Variants in CDC7 observed in about 807,000 individuals in gnomAD.
CDC7 encodes cell division cycle 7, also known as cell division cycle 7-related protein kinase.
CDC7 carries 34 observed loss-of-function variants against 53.5 expected under a neutral mutation model. The observed-to-expected ratio is 0.64, with a 90% CI of 0.48 to 0.85. The LOEUF is 0.85. Ranked by LOEUF, CDC7 falls within the 40% of genes least tolerant of loss-of-function variation. The probability of loss-of-function intolerance (pLI) is 0.00; values close to 1 mark genes in which losing one functional copy is unlikely to be tolerated. For missense variants in CDC7, 594 were observed against 679.7 expected, an observed-to-expected ratio of 0.87 and a Z score of 1.40; for synonymous variants, 211 against 222.8, an observed-to-expected ratio of 0.95 and a Z score of 0.47.
intron 2 of CDC7, among the ~76,000 whole-genome samples, chr1:91,505,603 A>G (rs1233185793): frequency 6.6e-6 from 1 of 152,212 alleles, no homozygotes; most frequent in Non-Finnish European, 1.5e-5. Context: ...TTAGCATATT[A>G]TAGATTTTCG....
chr1:91,515,113 T>C, intron 9 of CDC7, 116 bp downstream of exon 9: 2 of 691,650 alleles, frequency 2.9e-6, no homozygotes, highest in Non-Finnish European at 4.8e-6. Flanking sequence ...TGAACTGCAA[T>C]GGGCCTTGAT....
At chr1:91,518,858 G>A (rs1484656696) in intron 10 of CDC7, among the ~76,000 whole-genome samples, 2 of 151,980 alleles carry the variant, frequency 1.3e-5, no homozygotes, top group East Asian at 3.9e-4. Context: ...TCAGGCACTC[G>A]AGACCAGCTT....
rs1294051397 is a variant in CDC7 at position 91,511,478 on chromosome 1, T to A, written c.336-119T>A. The stretch of plus-strand genomic sequence containing the variant: ...TGTGTTTATATTATGTGATGATGAT[T>A]TAAGTCAGTTTTCTAGCAATATGTA... On this transcript the variant is annotated intron_variant, in intron 4 of 11. Coordinates refer to ENST00000234626, the MANE Select transcript of CDC7 (RefSeq NM_003503.4). 8.2e-6 allele frequency: 5 copies of A among 611,380 alleles called. No homozygotes were observed. In the African/African-American group the frequency reaches 9.3e-5, roughly 11 times the overall value. The allele number at this position is 611,380 out of a possible 1,614,324, so 37.9% of individuals were successfully genotyped here. A position where few individuals can be genotyped will look rare whatever the true frequency, so the allele number is the denominator to read the frequency against.
At chr1:91,507,662 T>C (rs1667063648) in intron 2 of CDC7, among the ~76,000 whole-genome samples, 192 bp from the exon 3 acceptor site, 1 of 152,160 alleles carries the variant, frequency 6.6e-6, no homozygotes, top group South Asian at 2.1e-4. Flanking sequence ...GGACTGTCAT[T>C]TTTGTCTGTT....
intron 4 of CDC7, among the ~76,000 whole-genome samples, chr1:91,509,451 G>T (rs1048884641): frequency 1.3e-5 from 2 of 150,714 alleles, no homozygotes; most frequent in African/African-American, 4.9e-5. Context: ...ACTTGTTTGG[G>T]CCAGAAACCT....
intron 10 of CDC7, among the ~76,000 whole-genome samples, chr1:91,517,469 G>T (rs1010850946): frequency 6.6e-6 from 1 of 152,166 alleles, no homozygotes; most frequent in Non-Finnish European, 1.5e-5. Flanking sequence ...ACTTGGATGT[G>T]TACCAGTAAC....
chr1:91,503,377 G>T (rs1475415449), intron 2 of CDC7, among the ~76,000 whole-genome samples: 1 of 152,150 alleles, frequency 6.6e-6, no homozygotes, highest in African/African-American at 2.4e-5. Context: ...CAAAGCTGAT[G>T]AGGTCCAGGC....
chr1:91,510,984 G>A (rs578155), intron 4 of CDC7, among the ~76,000 whole-genome samples: 118,444 of 152,006 alleles, frequency 0.78, 46,159 homozygotes, highest in Admixed American at 0.79. Context: ...CTTCTCTGCA[G>A]GTACTCTCAC....
chr1:91,515,811 CT>C lies in CDC7; in HGVS notation c.1116del (p.Arg373GlyfsTer13), dbSNP rs764002382. On this transcript the variant is annotated frameshift_variant, in exon 10 of 12. Transcript: ENST00000234626. LOFTEE classifies it high-confidence loss of function. ...ICLSRRQQVA[P>X]RAGTPGFRAP... is the part of the protein sequence containing the mutation. Reference sequence around the variant, plus strand: ...ATCATAAGGCGTCAGCAGGTTGCCCCTAGGGCAGGTACACCAGGATTCAGAG... The same window carrying C: ...ATCATAAGGCGTCAGCAGGTTGCCCCAGGGCAGGTACACCAGGATTCAGAG... 11 of 1,613,728 alleles carry C rather than the reference CT, an allele frequency of 6.8e-6. No homozygotes were observed. The highest frequency in any genetic ancestry group is 9.3e-6 in the Non-Finnish European group (11 of 1,179,778).
At chr1:91,504,608 G>A (rs1448506141) in intron 2 of CDC7, among the ~76,000 whole-genome samples, 1 of 152,086 alleles carries the variant, frequency 6.6e-6, no homozygotes, top group African/African-American at 2.4e-5. Flanking sequence ...TGGGCTATGG[G>A]TACCATCTTT....
At chr1:91,510,876 C>G (rs1403513392) in intron 4 of CDC7, among the ~76,000 whole-genome samples, 1 of 152,102 alleles carries the variant, frequency 6.6e-6, no homozygotes, top group Non-Finnish European at 1.5e-5. Flanking sequence ...GCTAATAACT[C>G]TTCCTTCAAA....
At chr1:91,507,031 G>T (rs1485370105) in intron 2 of CDC7, among the ~76,000 whole-genome samples, 1 of 152,130 alleles carries the variant, frequency 6.6e-6, no homozygotes, top group African/African-American at 2.4e-5. Flanking sequence ...TCCCTGAATT[G>T]AGTTTCCTTA....
At chr1:91,505,089 T>A (rs751330074) in intron 2 of CDC7, among the ~76,000 whole-genome samples, 1 of 152,158 alleles carries the variant, frequency 6.6e-6, no homozygotes, top group Non-Finnish European at 1.5e-5. Flanking sequence ...TTCTGTAACA[T>A]TTGAGCTAAG....
intron 11 of CDC7, among the ~76,000 whole-genome samples, chr1:91,523,202 G>A (rs1400216171): frequency 6.6e-6 from 1 of 152,168 alleles, no homozygotes. Context: ...TTAAATTCTA[G>A]TGAGGGAGAG....
At chr1:91,508,040 A>G in intron 3 of CDC7, 103 bp downstream of exon 3, 1 of 1,015,072 alleles carries the variant, frequency 9.9e-7, no homozygotes, top group Non-Finnish European at 1.4e-6. Context: ...TGAAAAATAT[A>G]CCACTTTTTA....
rs1167775065 is a variant in CDC7 at position 91,511,594 on chromosome 1, TA to T, written c.336-2del. 12 of 1,572,322 alleles carry T rather than the reference TA, an allele frequency of 7.6e-6. No homozygotes were observed. Among genetic ancestry groups the T allele is most frequent in the Admixed American group, 1.7e-5 (1 of 57,572 alleles). The stretch of plus-strand genomic sequence containing the variant: ...AAAAGTTCCTTGTGCATTTTTCCAC[TA>T]GGGGGCAAGATAATGTCATGGGAGT... On this transcript the variant is annotated splice_acceptor_variant, in intron 4 of 11. Transcript: ENST00000234626. LOFTEE classifies it high-confidence loss of function.
At chr1:91,507,378 A>G (rs532372496) in intron 2 of CDC7, among the ~76,000 whole-genome samples, 9 of 152,358 alleles carry the variant, frequency 5.9e-5, no homozygotes, top group Non-Finnish European at 1.0e-4. Flanking sequence ...ACTTTTTTAC[A>G]TGCTTGAGAG....
intron 6 of CDC7, among the ~76,000 whole-genome samples, chr1:91,512,722 T>G (rs1308147927): frequency 6.6e-6 from 1 of 152,072 alleles, no homozygotes; most frequent in Non-Finnish European, 1.5e-5. Context: ...TTAAGCTTTC[T>G]TAACTAGAAA....
chr1:91,521,538 T>C (rs1667947595), intron 11 of CDC7, among the ~76,000 whole-genome samples: 4 of 152,132 alleles, frequency 2.6e-5, no homozygotes, highest in Admixed American at 2.6e-4. Flanking sequence ...TAGGATGAAA[T>C]AATACAAGGG....
Sources: allele counts gnomAD v4.1 joint callset (sites outside exome capture counted in the v4.1 genomes callset), GRCh38; gene constraint gnomAD v4.1.1; transcripts MANE v1.5; gene names NCBI Gene and HGNC (gene_info 2026-07-23, HGNC 2026-07-21).